Variants in FBXL7 observed in about 807,000 individuals in gnomAD.
The protein encoded by FBXL7 is F-box/LRR-repeat protein 7.
In FBXL7, 12 loss-of-function variants were observed where a neutral mutation model predicts 38.3. That is an observed-to-expected ratio of 0.31 (90% CI 0.20 to 0.51). The LOEUF (loss-of-function observed/expected upper bound fraction) is 0.51. Among genes scored for constraint, FBXL7 ranks in the 20% least tolerant of loss-of-function variants. FBXL7 has a pLI of 0.98. For synonymous variants in FBXL7, 297 were observed against 300.9 expected, an observed-to-expected ratio of 0.99 and a Z score of 0.13; for missense variants, 567 against 676.4, an observed-to-expected ratio of 0.84 and a Z score of 1.79.
chr5:15,823,891 A>C (rs1041802475), intron 2 of FBXL7, among the ~76,000 whole-genome samples: 2 of 152,096 alleles, frequency 1.3e-5, no homozygotes, highest in East Asian at 1.9e-4. Context: ...TCCCCTTTCA[A>C]ATACAGTGTC....
At chr5:15,795,042 T>G (rs1737379834) in intron 2 of FBXL7, among the ~76,000 whole-genome samples, 1 of 152,238 alleles carries the variant, frequency 6.6e-6, no homozygotes, top group African/African-American at 2.4e-5. Flanking sequence ...TTCAGGCAGG[T>G]GGACAACAAG....
At chr5:15,653,271 C>T (rs920923963) in intron 2 of FBXL7, among the ~76,000 whole-genome samples, 1 of 152,066 alleles carries the variant, frequency 6.6e-6, no homozygotes, top group Non-Finnish European at 1.5e-5. Flanking sequence ...AGTAGACTTG[C>T]TAATGTAGGG....
chr5:15,613,225 T>G (rs1740314703), intron 1 of FBXL7, among the ~76,000 whole-genome samples: 1 of 152,170 alleles, frequency 6.6e-6, no homozygotes, highest in African/African-American at 2.4e-5. Context: ...AGGAATCATT[T>G]TTCCAGAAAT....
intron 2 of FBXL7, among the ~76,000 whole-genome samples, chr5:15,803,983 A>C (rs971776868): frequency 6.6e-6 from 1 of 152,138 alleles, no homozygotes; most frequent in Non-Finnish European, 1.5e-5. Flanking sequence ...ACATCCATAC[A>C]AGTGCTATTG....
At chr5:15,890,529 C>T (rs939199937) in intron 2 of FBXL7, among the ~76,000 whole-genome samples, 1 of 152,164 alleles carries the variant, frequency 6.6e-6, no homozygotes, top group African/African-American at 2.4e-5. Flanking sequence ...GTGTGAGTCA[C>T]CGTGCCCGGC....
intron 2 of FBXL7, among the ~76,000 whole-genome samples, chr5:15,894,689 T>C (rs1240408850): frequency 6.6e-6 from 1 of 152,190 alleles, no homozygotes; most frequent in African/African-American, 2.4e-5. Context: ...TAGGTATGTA[T>C]GGAATATGTC....
chr5:15,616,012 G>T lies in FBXL7; in HGVS notation c.67G>T (p.Val23Leu). ...GKGSSSISSD[V>L]SSSTDHTPTK... is the part of the protein sequence containing the mutation. ...AGGCAGCTCGAGCATCTCATCTGAC[G>T]TGAGTTCAAGTACAGATCACACGCC... The change falls in exon 2 of 4, where the codon GTG (valine) becomes TTG (leucine). Residue 23 changes from valine (V) to leucine (L), a missense_variant. Val to Leu is a conservative substitution (Grantham distance 32). Transcript: ENST00000504595. The T allele has an allele frequency of 3.1e-6, 5 of 1,613,096 alleles. No individual in the cohort carries two copies. Among genetic ancestry groups the T allele is most frequent in the South Asian group, 1.1e-5 (1 of 91,010 alleles).
At chr5:15,737,576 A>G (rs1181346061) in intron 2 of FBXL7, among the ~76,000 whole-genome samples, 2 of 152,190 alleles carry the variant, frequency 1.3e-5, no homozygotes, top group Non-Finnish European at 2.9e-5. Context: ...TCAGGCTAAG[A>G]GAAAGATCTT....
chr5:15,834,603 C>T (rs549715502), intron 2 of FBXL7, among the ~76,000 whole-genome samples: 7 of 152,156 alleles, frequency 4.6e-5, no homozygotes, highest in East Asian at 1.9e-4. Flanking sequence ...TCTCTGAACC[C>T]GATAGAGGAG....
At chr5:15,615,953 T>C in intron 1 of FBXL7, 30 bp from the exon 2 acceptor site, 1 of 1,550,858 alleles carries the variant, frequency 6.4e-7, no homozygotes, top group South Asian at 1.1e-5. Context: ...ATTACAAATC[T>C]CAAAAGCTGC....
At chr5:15,824,338 G>A (rs895383101) in intron 2 of FBXL7, among the ~76,000 whole-genome samples, 93 of 151,294 alleles carry the variant, frequency 6.1e-4, no homozygotes, top group Non-Finnish European at 1.1e-3. Flanking sequence ...ATTTTCACTG[G>A]CAGTTTCCCA....
At chr5:15,659,630 A>G (rs1369636747) in intron 2 of FBXL7, among the ~76,000 whole-genome samples, 5 of 152,224 alleles carry the variant, frequency 3.3e-5, no homozygotes, top group Admixed American at 1.3e-4. Flanking sequence ...CCTCTCTGGA[A>G]TAGAAAACAT....
intron 1 of FBXL7, among the ~76,000 whole-genome samples, chr5:15,559,407 G>T (rs937571931): frequency 1.3e-5 from 2 of 152,098 alleles, no homozygotes; most frequent in African/African-American, 4.8e-5. Context: ...ATGTATCTGT[G>T]TGAGTGTGTG....
At chr5:15,826,566 C>T (rs1187444146) in intron 2 of FBXL7, among the ~76,000 whole-genome samples, 1 of 152,058 alleles carries the variant, frequency 6.6e-6, no homozygotes, top group Non-Finnish European at 1.5e-5. Context: ...TTACAGGCAC[C>T]TGCCACTATG....
chr5:15,566,365 G>A (rs1738570808), intron 1 of FBXL7, among the ~76,000 whole-genome samples: 1 of 152,162 alleles, frequency 6.6e-6, no homozygotes, highest in Non-Finnish European at 1.5e-5. Flanking sequence ...AGTTGGCAGA[G>A]AAGCGCTGTC....
At chr5:15,672,977 A>T (rs1303440345) in intron 2 of FBXL7, among the ~76,000 whole-genome samples, 2 of 152,034 alleles carry the variant, frequency 1.3e-5, no homozygotes, top group African/African-American at 4.8e-5. Context: ...GATTTTCCAG[A>T]TGAGTGAAAG....
chr5:15,621,926 G>A (rs920458457), intron 2 of FBXL7, among the ~76,000 whole-genome samples: 6 of 152,002 alleles, frequency 3.9e-5, no homozygotes, highest in Non-Finnish European at 8.8e-5. Context: ...ATTAATTAAT[G>A]AAATCACCAT....
At chr5:15,687,178 G>T (rs141467369) in intron 2 of FBXL7, among the ~76,000 whole-genome samples, 56 of 152,332 alleles carry the variant, frequency 3.7e-4, no homozygotes, top group Non-Finnish European at 4.6e-4. Context: ...TAGAATAAGT[G>T]GTTATAATAA....
At chr5:15,793,345 T>C (rs1737326626) in intron 2 of FBXL7, among the ~76,000 whole-genome samples, 2 of 152,160 alleles carry the variant, frequency 1.3e-5, no homozygotes, top group Admixed American at 1.3e-4. Context: ...ATCTCCCAGA[T>C]TCTGGGGACT....
Sources: gnomAD v4.1 joint callset for allele counts (sites outside exome capture counted in the v4.1 genomes callset) on GRCh38, gnomAD v4.1.1 for gene constraint, MANE v1.5 for transcripts, NCBI Gene and HGNC (gene_info 2026-07-23, HGNC 2026-07-21) for gene names.